Variants in PTK2 observed in about 807,000 individuals in gnomAD.
PTK2 encodes the protein protein tyrosine kinase 2, also known as focal adhesion kinase 1.
A neutral mutation model predicts 150.1 loss-of-function variants in PTK2; 45 were observed. The ratio of observed to expected loss-of-function variants is 0.30; its 90% CI spans 0.24 to 0.38. PTK2 has a LOEUF of 0.38. Ranked by LOEUF, PTK2 falls within the 10% of genes least tolerant of loss-of-function variation. The pLI, the probability that PTK2 is intolerant of heterozygous loss-of-function variation, is 1.00. For synonymous variants in PTK2, 432 were observed against 449.2 expected (o/e 0.96, Z 0.48); for missense variants, 919 against 1,307.3 (o/e 0.70, Z 4.58).
exon 3 of PTK2, chr8:140,890,650 G>C (rs766185287): frequency 6.2e-7 from 1 of 1,614,066 alleles, no homozygotes; most frequent in Admixed American, 1.7e-5. Flanking sequence ...ATTGCACCAG[G>C]AGAACGTTCC....
chr8:140,724,886 G>C (rs1428574445), intron 22 of PTK2, among the ~76,000 whole-genome samples: 1 of 152,218 alleles, frequency 6.6e-6, no homozygotes, highest in Admixed American at 6.5e-5. Flanking sequence ...AGTAGCTAAA[G>C]GCCATGATCA....
intron 15 of PTK2, chr8:140,764,033 G>C: frequency 5.0e-6 from 3 of 603,304 alleles, no homozygotes; most frequent in South Asian, 4.8e-5. Context: ...AATTATTACA[G>C]ATATTTGAGT....
intron 16 of PTK2, among the ~76,000 whole-genome samples, chr8:140,758,033 C>T (rs2100066896): frequency 6.6e-6 from 1 of 152,024 alleles, no homozygotes; most frequent in Admixed American, 6.6e-5. Context: ...ATTTACTATA[C>T]TTTGTTTTTC....
chr8:140,890,612 A>G (rs1342742299), exon 3 of PTK2: 1 of 1,614,146 alleles, frequency 6.2e-7, no homozygotes, highest in South Asian at 1.1e-5. Context: ...TGCTTTCAAA[A>G]TAATGAAAGA....
At chr8:140,750,151 A>G (rs908994891) in intron 17 of PTK2, 4 of 152,218 alleles carry the variant, frequency 2.6e-5, no homozygotes, top group African/African-American at 9.6e-5. Flanking sequence ...AGTTTCAGGA[A>G]TAGGATTAAG....
intron 26 of PTK2, among the ~76,000 whole-genome samples, chr8:140,687,295 G>A (rs1364150533): frequency 6.6e-6 from 1 of 152,172 alleles, no homozygotes; most frequent in African/African-American, 2.4e-5. Flanking sequence ...CGCAGTATGG[G>A]TTACGGGCCT....
chr8:140,752,132 C>T, intron 17 of PTK2, 100 bp downstream of exon 20: 1 of 1,037,522 alleles, frequency 9.6e-7, no homozygotes, highest in Admixed American at 2.0e-5. Context: ...TAGTTGTCTC[C>T]TAAAAGTCAA....
At position 140,846,682 on chromosome 8, in the gene PTK2, C is replaced by A. The variant is rs1435071009; in HGVS notation, c.451-4G>T. 6.3e-7 allele frequency: 1 copy of A among 1,598,114 alleles called. No individual in the cohort carries two copies. Among genetic ancestry groups the A allele is most frequent in the Admixed American group, 1.7e-5 (1 of 57,440 alleles). On this transcript the variant is annotated splice_polypyrimidine_tract_variant and splice_region_variant and intron_variant, in intron 5 of 31. Coordinates refer to ENST00000522684, the Ensembl canonical transcript of PTK2. ...CTAACATATAATCGCTCTTCACCTA[C>A]AACAAAAGGAATGGGAAAAACAACA...
intron 26 of PTK2, among the ~76,000 whole-genome samples, chr8:140,689,109 C>T (rs550304941): frequency 6.6e-6 from 1 of 152,134 alleles, no homozygotes; most frequent in East Asian, 1.9e-4. Context: ...GGAAACCAAG[C>T]AAACACACGT....
intron 14 of PTK2, among the ~76,000 whole-genome samples, chr8:140,785,867 T>G (rs904636875): frequency 2.0e-5 from 3 of 152,214 alleles, no homozygotes; most frequent in Non-Finnish European, 2.9e-5. Context: ...AAATAATATT[T>G]AACAATTATG....
chr8:140,751,174 CTTTT>C (rs2154518911), intron 17 of PTK2, among the ~76,000 whole-genome samples: 1 of 152,084 alleles, frequency 6.6e-6, no homozygotes, highest in Admixed American at 6.5e-5. Context: ...GTTTTCTTTT[CTTTT>C]GTTTTTTGGA....
chr8:140,677,667 A>T (rs1252186581), intron 27 of PTK2, among the ~76,000 whole-genome samples: 3 of 152,212 alleles, frequency 2.0e-5, no homozygotes, highest in African/African-American at 7.2e-5. Flanking sequence ...TTCCTCCCTC[A>T]CACAATCAAG....
At position 140,729,160 on chromosome 8, in the gene PTK2, T is replaced by C. The variant is rs375472103; in HGVS notation, c.2030+6091A>G. On this transcript the variant is annotated intron_variant, in intron 22 of 31. Transcript: ENST00000522684. ...ACACTCTCCCAAAGGCTGGTTTTGT[T>C]TGATAAAGTTAAGAAGCAAAACATG... Among the ~76,000 whole-genome samples the C allele has an allele frequency of 1.1e-3, 170 of 152,208 alleles. 1 individual carries two copies. The highest frequency in any genetic ancestry group is 3.9e-3 in the African/African-American group (162 of 41,504).
chr8:140,679,938 T>C (rs1343184091), intron 27 of PTK2, among the ~76,000 whole-genome samples: 1 of 152,102 alleles, frequency 6.6e-6, no homozygotes, highest in Non-Finnish European at 1.5e-5. Context: ...AAAAATCAAA[T>C]GGTCATAGCG....
intron 7 of PTK2, among the ~76,000 whole-genome samples, chr8:140,841,097 G>A (rs972544779): frequency 1.3e-5 from 2 of 152,072 alleles, no homozygotes; most frequent in South Asian, 4.1e-4. Flanking sequence ...AGACTTATAG[G>A]AAGAAATTGG....
intron 14 of PTK2, among the ~76,000 whole-genome samples, chr8:140,787,220 A>AG (rs1271675856): frequency 2.6e-5 from 4 of 152,334 alleles, no homozygotes; most frequent in Non-Finnish European, 5.9e-5. Flanking sequence ...CAAGTAATTC[A>AG]GGGGGGTGTT....
chr8:140,992,291 C>CG (rs34880880), intron 1 of PTK2, among the ~76,000 whole-genome samples: 54,392 of 128,182 alleles, frequency 0.42, 13,480 homozygotes, highest in Non-Finnish European at 0.55. Context: ...GACTTCATCT[C>CG]GGAAAAAAAA....
At chr8:140,971,370 T>C (rs1053006984) in intron 1 of PTK2, among the ~76,000 whole-genome samples, 3 of 152,222 alleles carry the variant, frequency 2.0e-5, no homozygotes, top group Non-Finnish European at 4.4e-5. Flanking sequence ...CATTAGCTCT[T>C]GTAGACTTAA....
At chr8:140,726,112 G>C (rs935896442) in intron 22 of PTK2, among the ~76,000 whole-genome samples, 6 of 152,130 alleles carry the variant, frequency 3.9e-5, no homozygotes, top group African/African-American at 1.4e-4. Context: ...TGGATGAAGT[G>C]ATCAGTAGGA....
Sources: gnomAD v4.1 joint callset for allele counts (sites outside exome capture counted in the v4.1 genomes callset) on GRCh38, gnomAD v4.1.1 for gene constraint, MANE v1.5 for transcripts, NCBI Gene and HGNC (gene_info 2026-07-23, HGNC 2026-07-21) for gene names.